Variants in NIPAL1 observed in about 807,000 individuals in gnomAD.
NIPAL1 encodes the protein magnesium transporter NIPA3.
Under a neutral mutation model 37.7 loss-of-function variants are expected in NIPAL1, and 35 were observed. That is an observed-to-expected ratio of 0.93 (90% CI 0.71 to 1.23). The LOEUF (loss-of-function observed/expected upper bound fraction) is 1.23, where lower values mean the gene tolerates loss of function less well. NIPAL1 is among the 50% of genes most tolerant of loss of function. NIPAL1 has a pLI of 0.00. For missense variants in NIPAL1, 412 were observed against 473.9 expected, an observed-to-expected ratio of 0.87 and a Z score of 1.21; for synonymous variants, 162 against 183.0, an observed-to-expected ratio of 0.89 and a Z score of 0.93.
chr4:48,031,808 G>A (rs890773343), intron 3 of NIPAL1, among the ~76,000 whole-genome samples: 10 of 152,020 alleles, frequency 6.6e-5, no homozygotes, highest in Non-Finnish European at 1.2e-4. Context: ...GCGTGATCTC[G>A]GTTCACTGCA....
chr4:48,028,592 G>C (rs1462062126), intron 2 of NIPAL1, among the ~76,000 whole-genome samples: 2 of 152,028 alleles, frequency 1.3e-5, no homozygotes, highest in East Asian at 3.8e-4. Flanking sequence ...AAAGTAAAAA[G>C]CTTCTGCAGA....
In NIPAL1 at chr4:48,030,179, A is replaced by G; in HGVS notation, c.370+3A>G. On this transcript the variant is annotated splice_donor_region_variant and intron_variant, in intron 3 of 5. Transcript: ENST00000295461. ...CTGGTGGGTAGGATTGCTGTCAAGT[A>G]AGTTTTTAATACTGAGAATACTGTT... 6.4e-7 allele frequency: 1 copy of G among 1,555,310 alleles called. No individual in the cohort carries two copies. Among genetic ancestry groups the G allele is most frequent in the Non-Finnish European group, 8.9e-7 (1 of 1,126,812 alleles).
chr4:48,030,156 G>A lies in NIPAL1; in HGVS notation c.350G>A (p.Trp117Ter), dbSNP rs746454688. 24 of 1,602,542 alleles carry A rather than the reference G, an allele frequency of 1.5e-5. No individual in the cohort carries two copies. In the South Asian group the frequency reaches 2.1e-4, roughly 14 times the overall value. ...CATTCTTACCTGAAGGAATGGCTCT[G>A]GTGGGTAGGATTGCTGTCAAGTAAG... ...GGHSYLKEWL[W>*]WVGLLSMGAG... Residue 117 changes from tryptophan (W) to a stop codon, truncating the protein, a stop_gained, in exon 3 of 6, where the codon TGG (tryptophan) becomes TAG (stop). Coordinates refer to ENST00000295461, the MANE Select transcript of NIPAL1 (RefSeq NM_207330.3). LOFTEE classifies it high-confidence loss of function.
intron 1 of NIPAL1, among the ~76,000 whole-genome samples, chr4:48,018,910 G>C (rs565953910): frequency 6.6e-6 from 1 of 152,348 alleles, no homozygotes; most frequent in Non-Finnish European, 1.5e-5. Flanking sequence ...CCTTACGAAA[G>C]TGATATTCAA....
intron 3 of NIPAL1, among the ~76,000 whole-genome samples, 184 bp from the exon 4 acceptor site, chr4:48,032,809 A>C (rs192799674): frequency 1.3e-5 from 2 of 152,336 alleles, no homozygotes; most frequent in African/African-American, 4.8e-5. Flanking sequence ...CTGGTATTAC[A>C]GTTTGTCTGC....
At chr4:48,035,107 C>T (rs1478345903) in intron 5 of NIPAL1, 66 bp downstream of exon 5, 4 of 1,277,202 alleles carry the variant, frequency 3.1e-6, no homozygotes, top group South Asian at 2.4e-5. Flanking sequence ...CAAATAGTAT[C>T]TGTAATAATA....
chr4:48,016,970 G>C (rs1237699007), intron 1 of NIPAL1, 85 bp downstream of exon 1: 5 of 1,136,888 alleles, frequency 4.4e-6, no homozygotes, highest in Non-Finnish European at 6.4e-6. Flanking sequence ...TGCGGAGACT[G>C]GAAAGGGGGG....
intron 2 of NIPAL1, among the ~76,000 whole-genome samples, chr4:48,029,273 C>A (rs1715765796): frequency 6.6e-6 from 1 of 152,150 alleles, no homozygotes; most frequent in Non-Finnish European, 1.5e-5. Flanking sequence ...TCTTTTGCAG[C>A]AACATGGACG....
At chr4:48,024,995 T>G (rs1715653977) in intron 1 of NIPAL1, 73 bp from the exon 2 acceptor site, 1 of 1,354,702 alleles carries the variant, frequency 7.4e-7, no homozygotes, top group African/African-American at 1.4e-5. Flanking sequence ...AGGCTCTGTT[T>G]CCTGCAGAAA....
Position 48,035,704 on chromosome 4 carries a change from A to T in NIPAL1, c.765A>T (p.Lys255Asn), listed in dbSNP as rs760494060. Residue 255 changes from lysine (K) to asparagine (N), a missense_variant, in exon 6 of 6, where the codon AAA becomes AAT. Lys to Asn is a moderately conservative substitution (Grantham distance 94). Transcript: ENST00000295461. ...GAGCGTTTTCAGTTTCTTCTGTGAA[A>T]GGCCTGGGAATTGCCATTAAGGAGC... ...LIGAFSVSSVKGLGIAIKELI... is the reference protein window; with the variant it reads ...LIGAFSVSSVNGLGIAIKELI... The T allele has an allele frequency of 1.2e-6, 2 of 1,614,070 alleles. No individual in the cohort carries two copies. Among genetic ancestry groups the T allele is most frequent in the Non-Finnish European group, 1.7e-6 (2 of 1,180,000 alleles).
chr4:48,024,724 A>T (rs2109366992), intron 1 of NIPAL1, among the ~76,000 whole-genome samples: 1 of 152,334 alleles, frequency 6.6e-6, no homozygotes, highest in East Asian at 1.9e-4. Context: ...ACTGTTGAGC[A>T]CAAGCCGGTC....
chr4:48,035,929 T>G lies in NIPAL1; in HGVS notation c.990T>G (p.Tyr330Ter), dbSNP rs777674651. Reference sequence around the variant, plus strand: ...CTGCCATCTTATTCCAAGAGTGGTATGGCATGACAGCTGGAGATATCATTG... The same window carrying G: ...CTGCCATCTTATTCCAAGAGTGGTAGGGCATGACAGCTGGAGATATCATTG... ...TCSAILFQEWYGMTAGDIIGT... is the reference protein window; with the variant it reads ...TCSAILFQEW Residue 330 changes from tyrosine to a stop codon, truncating the protein, a stop_gained, in exon 6 of 6, where the codon TAT (tyrosine) becomes TAG (stop). Coordinates refer to ENST00000295461, the MANE Select transcript of NIPAL1 (RefSeq NM_207330.3). LOFTEE classifies it high-confidence loss of function. The G allele has an allele frequency of 1.2e-6, 2 of 1,614,050 alleles. No individual in the cohort carries two copies. Among genetic ancestry groups the G allele is most frequent in the Non-Finnish European group, 1.7e-6 (2 of 1,179,932 alleles).
rs557526929 is a variant in NIPAL1, at chr4:48,036,393, C to T, written c.*221C>T. On this transcript the variant is annotated 3_prime_UTR_variant, in exon 6 of 6. Coordinates refer to ENST00000295461, the MANE Select transcript of NIPAL1 (RefSeq NM_207330.3). ...AAACTTTGAAATACTCTCTAAGGAT[C>T]AAAGAAGTCAAAGAGCTATGTGTGT... The T allele has an allele frequency of 9.5e-5, 46 of 482,074 alleles. No homozygotes were observed. The highest frequency in any genetic ancestry group is 8.5e-4 in the African/African-American group (42 of 49,138). 29.9% of individuals were successfully genotyped at this position (482,074 alleles called of 1,614,324 possible).
At position 48,016,890 on chromosome 4, in the gene NIPAL1, G is replaced by A; in HGVS notation, c.46+5G>A. On this transcript the variant is annotated splice_donor_5th_base_variant and intron_variant, in intron 1 of 5. Transcript: ENST00000295461. ...CCGGAGAGCCCTGCCGAGAAGGTTTGTGTCTGCCCTGAGCCGAGGGACCTG... is the reference window on the plus strand; with the variant it reads ...CCGGAGAGCCCTGCCGAGAAGGTTTATGTCTGCCCTGAGCCGAGGGACCTG... 1 of 1,597,180 alleles carries A rather than the reference G, an allele frequency of 6.3e-7. No individual in the cohort carries two copies. The highest frequency in any genetic ancestry group is 1.1e-5 in the South Asian group (1 of 88,572).
rs1455597194 is a variant in NIPAL1 at position 48,035,764 on chromosome 4, G to C, written c.825G>C (p.Leu275=). The C allele has an allele frequency of 6.2e-7, 1 of 1,614,056 alleles. No homozygotes were observed. The highest frequency in any genetic ancestry group is 1.3e-5 in the African/African-American group (1 of 74,920). Residue 275 remains leucine (L), a synonymous_variant, in exon 6 of 6, where the codon CTG becomes CTC. Transcript: ENST00000295461. ...GGAAGCCAGTTTACAAACATCCGCT[G>C]GTCTTTGTTTTGCTGGCTGTACTTG... ...IEWKPVYKHP[L]VFVLLAVLVL...
At chr4:48,028,624 G>A (rs1715747268) in intron 2 of NIPAL1, among the ~76,000 whole-genome samples, 1 of 151,974 alleles carries the variant, frequency 6.6e-6, no homozygotes, top group Non-Finnish European at 1.5e-5. Context: ...AATCAACAGG[G>A]TGAAAAGACA....
intron 2 of NIPAL1, among the ~76,000 whole-genome samples, chr4:48,028,871 A>C (rs1715756025): frequency 6.6e-6 from 1 of 152,200 alleles, no homozygotes; most frequent in African/African-American, 2.4e-5. Flanking sequence ...TGAGATAACC[A>C]TCTTACACTA....
intron 3 of NIPAL1, among the ~76,000 whole-genome samples, chr4:48,032,518 T>C (rs1715844267): frequency 6.6e-6 from 1 of 152,262 alleles, no homozygotes; most frequent in Non-Finnish European, 1.5e-5. Context: ...TCTAACTTCA[T>C]GGGCCTATGG....
rs369758097 is a variant in NIPAL1 at position 48,036,808 on chromosome 4, G to T, written c.*636G>T. On this transcript the variant is annotated 3_prime_UTR_variant, in exon 6 of 6. Coordinates refer to ENST00000295461, the MANE Select transcript of NIPAL1 (RefSeq NM_207330.3). ...CCAGGCGTGGTGGCACATGCCTGTAGTTCCAGCCACCCGGGAGCCTGAGGT... is the reference window on the plus strand; with the variant it reads ...CCAGGCGTGGTGGCACATGCCTGTATTTCCAGCCACCCGGGAGCCTGAGGT... 1.3e-5 allele frequency: 2 copies of T among 153,028 alleles called. No individual in the cohort carries two copies. The highest frequency in any genetic ancestry group is 4.8e-5 in the African/African-American group (2 of 41,440). The allele number at this position is 153,028 out of a possible 1,614,324, so 9.5% of individuals were successfully genotyped here. A position where few individuals can be genotyped will look rare whatever the true frequency, so the allele number is the denominator to read the frequency against.
Sources: allele counts gnomAD v4.1 joint callset (sites outside exome capture counted in the v4.1 genomes callset), GRCh38; gene constraint gnomAD v4.1.1; transcripts MANE v1.5; gene names NCBI Gene and HGNC (gene_info 2026-07-23, HGNC 2026-07-21).